RAG1: variants seen among roughly 807,000 people sequenced by gnomAD.
RAG1 encodes V(D)J recombination-activating protein 1.
In RAG1, 35 loss-of-function variants were observed where a neutral mutation model predicts 62.7. The observed-to-expected ratio is 0.56, with a 90% CI of 0.43 to 0.74. The LOEUF (loss-of-function observed/expected upper bound fraction) is 0.74, where lower values mean the gene tolerates loss of function less well. Among genes scored for constraint, RAG1 ranks in the 30% least tolerant of loss-of-function variants. RAG1 has a pLI of 0.00. For missense variants in RAG1, 1,169 were observed against 1,278.6 expected, an observed-to-expected ratio of 0.91 and a Z score of 1.31; for synonymous variants, 461 against 470.3, an observed-to-expected ratio of 0.98 and a Z score of 0.26.
chr11:36,551,253 T>C (rs1370295320), intron 3 of RAG1, among the ~76,000 whole-genome samples: 1 of 152,174 alleles, frequency 6.6e-6, no homozygotes, highest in African/African-American at 2.4e-5. Context: ...TCCCTTCCTT[T>C]GGCATGTGTA....
chr11:36,540,529 C>G (rs1287169587), downstream of RAG1, among the ~76,000 whole-genome samples: 1 of 151,942 alleles, frequency 6.6e-6, no homozygotes, highest in Non-Finnish European at 1.5e-5. Context: ...CTCAGCCTCC[C>G]GAGTAGCTGG....
chr11:36,576,029 C>G lies in RAG1; in HGVS notation c.2725C>G (p.Leu909Val). ...CCCTGCTAAAGAGTGCCCAGAATCC[C>G]TCTGCCAGTACAGTTTCAATTCACA... ...SCPAKECPESLCQYSFNSQRF... is the reference protein window; with the variant it reads ...SCPAKECPESVCQYSFNSQRF... The change falls in exon 2 of 2, where the codon CTC (leucine) becomes GTC (valine). Residue 909 changes from leucine to valine, a missense_variant. Physicochemically the swap from Leu to Val is conservative, Grantham distance 32 (BLOSUM62 1). Coordinates refer to ENST00000299440, the MANE Select transcript of RAG1 (RefSeq NM_000448.3). 1 of 1,614,170 alleles carries G rather than the reference C, an allele frequency of 6.2e-7. No individual in the cohort carries two copies. Among genetic ancestry groups the G allele is most frequent in the Non-Finnish European group, 8.5e-7 (1 of 1,180,044 alleles).
At chr11:36,524,697 C>G (rs1000432664) in intron 2 of RAG1, among the ~76,000 whole-genome samples, 9 of 152,000 alleles carry the variant, frequency 5.9e-5, no homozygotes, top group Admixed American at 2.0e-4. Context: ...CACTATGTTG[C>G]CAGAGTTGGC....
At chr11:36,528,694 T>G (rs928296640) in intron 2 of RAG1, among the ~76,000 whole-genome samples, 1 of 151,698 alleles carries the variant, frequency 6.6e-6, no homozygotes, top group Non-Finnish European at 1.5e-5. Flanking sequence ...TTCAAAAAAA[T>G]CAATGAATCC....
rs1850908491 is a variant in RAG1 at position 36,579,656 on chromosome 11, TGAG to T, written c.*3221_*3223del. ...AAATGTTTTCAAATAAAATGAAATATGAGTTTCAATACTTTTTATATTTTAATA... is the reference window on the plus strand; with the variant it reads ...AAATGTTTTCAAATAAAATGAAATATTTTCAATACTTTTTATATTTTAATA... On this transcript the variant is annotated 3_prime_UTR_variant, in exon 2 of 2. Coordinates refer to ENST00000299440, the MANE Select transcript of RAG1 (RefSeq NM_000448.3). 6.0e-6 allele frequency: 1 copy of T among 166,888 alleles called. No homozygotes were observed. Among genetic ancestry groups the T allele is most frequent in the Non-Finnish European group, 1.5e-5 (1 of 68,078 alleles). The allele number at this position is 166,888 out of a possible 1,614,324, so 10.3% of individuals were successfully genotyped here.
At chr11:36,571,309 A>G (rs1019911144) in intron 1 of RAG1, among the ~76,000 whole-genome samples, 1 of 152,176 alleles carries the variant, frequency 6.6e-6, no homozygotes, top group Non-Finnish European at 1.5e-5. Context: ...TGCTTTAAGT[A>G]TAGGCTGGGA....
In RAG1 at chr11:36,575,095, G is replaced by A. The variant is rs775177571; in HGVS notation, c.1791G>A (p.Val597=). 2 of 1,614,180 alleles carry A rather than the reference G, an allele frequency of 1.2e-6. No homozygotes were observed. The highest frequency in any genetic ancestry group is 2.2e-5 in the East Asian group (1 of 44,876). The change falls in exon 2 of 2, where the codon GTG becomes GTA. Residue 597 remains valine, a synonymous_variant. Transcript: ENST00000299440. This position sits in a 1 kb window ranked among gnomAD's most constrained non-coding sequence, Gnocchi z 4.1. The part of the protein sequence containing the change: ...DDYLNGPFTV[V]VKESCDGMGD... The stretch of plus-strand genomic sequence containing the variant: ...ACCTGAATGGCCCCTTCACTGTGGT[G>A]GTGAAGGAGTCTTGTGATGGAATGG...
chr11:36,526,284 C>T (rs1860161805), intron 2 of RAG1, among the ~76,000 whole-genome samples: 1 of 135,956 alleles, frequency 7.4e-6, no homozygotes, highest in South Asian at 2.4e-4. Context: ...CTCCCTGTGT[C>T]CATGTGTTCT....
chr11:36,547,004 T>C (rs1271514780), intron 3 of RAG1, among the ~76,000 whole-genome samples: 2 of 152,020 alleles, frequency 1.3e-5, no homozygotes, highest in East Asian at 3.8e-4. Flanking sequence ...TTCCTTCATT[T>C]CAACCTTGGT....
chr11:36,525,011 C>T (rs1323857364), intron 2 of RAG1, among the ~76,000 whole-genome samples: 2 of 151,398 alleles, frequency 1.3e-5, no homozygotes, highest in African/African-American at 4.9e-5. Context: ...TTCCTTCTTT[C>T]TTTTCTTCCT....
At chr11:36,538,287 A>G (rs553820170), downstream of RAG1, among the ~76,000 whole-genome samples, 132 of 152,168 alleles carry the variant, frequency 8.7e-4, no homozygotes, top group Non-Finnish European at 1.7e-3. Context: ...TATTTCTCCT[A>G]TCACCATTCA....
intron 1 of RAG1, among the ~76,000 whole-genome samples, chr11:36,573,003 A>C (rs2048712653): frequency 6.6e-6 from 1 of 152,210 alleles, no homozygotes; most frequent in South Asian, 2.1e-4. Flanking sequence ...TGAATCAAAG[A>C]TTCTGTCCTT....
chr11:36,541,687 ACT>A (rs1860420493), intron 3 of RAG1, among the ~76,000 whole-genome samples: 1 of 151,720 alleles, frequency 6.6e-6, no homozygotes, highest in Non-Finnish European at 1.5e-5. Context: ...TGTTGCCCCC[ACT>A]CTTAGTTGCC....
At chr11:36,513,431 C>A (rs141256546) in intron 1 of RAG1, among the ~76,000 whole-genome samples, 9 of 152,188 alleles carry the variant, frequency 5.9e-5, no homozygotes, top group Admixed American at 3.3e-4. Context: ...TAAGATGGCT[C>A]TCTACAAGTT....
At chr11:36,522,441 T>G (rs1860094771) in intron 2 of RAG1, among the ~76,000 whole-genome samples, 1 of 152,220 alleles carries the variant, frequency 6.6e-6, no homozygotes, top group South Asian at 2.1e-4. Context: ...GAATTGTGGT[T>G]GGAGAACCTC....
chr11:36,538,337 CT>C (rs1384390425), downstream of RAG1, among the ~76,000 whole-genome samples: 1 of 152,054 alleles, frequency 6.6e-6, no homozygotes, highest in East Asian at 1.9e-4. Flanking sequence ...CAAATGCTAG[CT>C]GCAGCTCCTG....
Position 36,559,185 on chromosome 11 carries a change from C to T in RAG1, c.-411-4200C>T, listed in dbSNP as rs560051525. Among the ~76,000 whole-genome samples the T allele has an allele frequency of 3.9e-5, 6 of 152,118 alleles. No individual in the cohort carries two copies. In the South Asian group the frequency reaches 1.2e-3, roughly 32 times the overall value. ...TATATTATCACATTGTTTCCTTGCC[C>T]ACAAGATTTCTGCTGATAAATATGC... On this transcript the variant is annotated intron_variant and NMD_transcript_variant, in intron 3 of 9. Transcript: ENST00000534663.
chr11:36,572,694 T>C (rs995301385), intron 1 of RAG1, among the ~76,000 whole-genome samples: 1 of 152,200 alleles, frequency 6.6e-6, no homozygotes, highest in Admixed American at 6.5e-5. Context: ...ATACTTATTA[T>C]TAGTTTGCAT....
intron 3 of RAG1, among the ~76,000 whole-genome samples, chr11:36,551,831 C>G (rs948691486): frequency 6.9e-6 from 1 of 145,886 alleles, no homozygotes; most frequent in African/African-American, 2.5e-5. Flanking sequence ...TTGTTCAATT[C>G]CCACCTATGA....
Sources: gnomAD v4.1 joint callset for allele counts (sites outside exome capture counted in the v4.1 genomes callset) on GRCh38, gnomAD v4.1.1 for gene constraint, Gnocchi (gnomAD v3.1) non-coding constraint, MANE v1.5 for transcripts, NCBI Gene and HGNC (gene_info 2026-07-23, HGNC 2026-07-21) for gene names.